The following PUDP variants were observed in gnomAD, a reference collection of about 807,000 sequenced individuals.
The protein encoded by PUDP is pseudouridine 5'-phosphatase, also known as pseudouridine-5'-phosphatase.
PUDP carries 8 observed loss-of-function variants against 9.4 expected under a neutral mutation model. That is an observed-to-expected ratio of 0.85 (90% CI 0.50 to 1.53). The LOEUF is 1.53. PUDP is among the 40% of genes most tolerant of loss of function. The pLI, the probability that PUDP is intolerant of heterozygous loss-of-function variation, is 0.00. For synonymous variants in PUDP, 99 were observed against 80.7 expected (o/e 1.23, Z -1.22); for missense variants, 188 against 189.7 (o/e 0.99, Z 0.05).
chrX:6,894,753 G>A (rs1215689845), intron 3 of PUDP, among the ~76,000 whole-genome samples: 1 of 111,485 alleles, frequency 9.0e-6, no homozygotes, highest in Admixed American at 9.6e-5. Flanking sequence ...GGTTCCATCT[G>A]TTACAGAGGC....
At chrX:6,825,141 G>A (rs184106847) in intron 3 of PUDP, among the ~76,000 whole-genome samples, 3 of 111,722 alleles carry the variant, frequency 2.7e-5, no homozygotes, top group Admixed American at 9.5e-5. Context: ...ACAAGAGCAC[G>A]CAGAGGGACT....
intron 2 of PUDP, among the ~76,000 whole-genome samples, chrX:7,103,610 C>T (rs1009307145): frequency 1.8e-5 from 2 of 111,799 alleles, no homozygotes; most frequent in African/African-American, 6.5e-5. Flanking sequence ...AACAACTAAG[C>T]GAAAAGGGAG....
At chrX:6,730,437 T>C (rs762107422) in intron 3 of PUDP, among the ~76,000 whole-genome samples, 3 of 112,093 alleles carry the variant, frequency 2.7e-5, no homozygotes, top group African/African-American at 9.7e-5. Flanking sequence ...ATCACAAAAC[T>C]GGGAATCACT....
intron 3 of PUDP, among the ~76,000 whole-genome samples, chrX:6,740,319 A>T (rs1924920355): frequency 8.9e-6 from 1 of 112,087 alleles, no homozygotes; most frequent in Non-Finnish European, 1.9e-5. Flanking sequence ...TTGGGAAAAT[A>T]ATTGATCAAA....
chrX:7,122,497 T>C (rs1351011050), intron 1 of PUDP, among the ~76,000 whole-genome samples: 1 of 111,618 alleles, frequency 9.0e-6, no homozygotes, highest in Non-Finnish European at 1.9e-5. Context: ...TCTCAGACCC[T>C]GTAGATGCTG....
chrX:6,808,793 G>T (rs747558075), intron 3 of PUDP, among the ~76,000 whole-genome samples: 2 of 112,278 alleles, frequency 1.8e-5, no homozygotes, highest in South Asian at 7.5e-4. Flanking sequence ...TAAATAGTGA[G>T]CCCACAGCAT....
chrX:6,751,149 GGAAAGAAAGAAAAAA>G (rs372267932), intron 3 of PUDP, among the ~76,000 whole-genome samples: 11 of 102,389 alleles, frequency 1.1e-4, no homozygotes, highest in Middle Eastern at 4.9e-3. Context: ...CTAAAAAAAA[GGAAAGAAAGAAAAAA>G]GAAAGAAAGA....
intron 1 of PUDP, among the ~76,000 whole-genome samples, chrX:6,993,729 ATATGTTCAAATT>A (rs1323396807): frequency 8.9e-6 from 1 of 112,209 alleles, no homozygotes; most frequent in Admixed American, 9.4e-5. Context: ...TTAAAAATAA[ATATGTTCAAATT>A]TATGTTGCTG....
At chrX:6,754,559 C>G (rs1925147616) in intron 3 of PUDP, among the ~76,000 whole-genome samples, 1 of 108,887 alleles carries the variant, frequency 9.2e-6, no homozygotes, top group African/African-American at 3.3e-5. Context: ...ATATATACCA[C>G]ATATAAAATC....
chrX:6,730,395 C>T (rs767158303), intron 3 of PUDP, among the ~76,000 whole-genome samples: 1 of 112,476 alleles, frequency 8.9e-6, no homozygotes, highest in South Asian at 3.7e-4. Context: ...CATGGATTTT[C>T]ACACAAGATG....
chrX:6,816,915 G>GTATATATAA (rs1486326144), intron 3 of PUDP, among the ~76,000 whole-genome samples: 1 of 87,730 alleles, frequency 1.1e-5, no homozygotes, highest in Non-Finnish European at 2.1e-5. Flanking sequence ...ATACTATATA[G>GTATATATAA]TATATATAAT....
At chrX:6,852,551 A>C (rs1457643567) in intron 3 of PUDP, among the ~76,000 whole-genome samples, 1 of 112,406 alleles carries the variant, frequency 8.9e-6, no homozygotes, top group Non-Finnish European at 1.9e-5. Flanking sequence ...TAAAACAGCC[A>C]ACTTCACTAA....
At chrX:6,751,445 T>C (rs767298880) in intron 3 of PUDP, among the ~76,000 whole-genome samples, 89 of 111,718 alleles carry the variant, frequency 8.0e-4, no homozygotes, top group Non-Finnish European at 9.4e-4. Context: ...GTTCTCACAA[T>C]TGCCTCTTCC....
rs192755291 is a variant in PUDP at position 6,995,129 on chromosome X, A to G, written c.205-16786T>C. ...CTTTCTTTTTTTTTTAAAGCTCAAA[A>G]TAATAAAGAAGTCATTTATTTACAT... On this transcript the variant is annotated intron_variant and NMD_transcript_variant, in intron 1 of 3. Coordinates refer to the PUDP transcript ENST00000655425. 2.3e-3 allele frequency among the ~76,000 whole-genome samples: 257 copies of G among 111,336 alleles called. 2 individuals are homozygous for G. Among genetic ancestry groups the G allele is most frequent in the African/African-American group, 8.0e-3 (246 of 30,628 alleles).
At chrX:6,781,235 T>C (rs150569665) in intron 3 of PUDP, among the ~76,000 whole-genome samples, 4 of 111,398 alleles carry the variant, frequency 3.6e-5, no homozygotes, top group African/African-American at 1.3e-4. Flanking sequence ...GACTTGGTGG[T>C]AAAAGATATT....
intron 1 of PUDP, among the ~76,000 whole-genome samples, chrX:7,041,250 T>C (rs1349158193): frequency 1.8e-5 from 2 of 111,441 alleles, no homozygotes; most frequent in African/African-American, 6.5e-5. Context: ...AATGCTGAAG[T>C]CATAGGAGCT....
At chrX:6,844,901 G>A (rs1178218348) in intron 3 of PUDP, among the ~76,000 whole-genome samples, 2 of 112,179 alleles carry the variant, frequency 1.8e-5, no homozygotes, top group African/African-American at 3.2e-5. Flanking sequence ...GCCTGAGAAC[G>A]AGAAGCTGGG....
chrX:6,836,306 C>T (rs1926581653), intron 3 of PUDP, among the ~76,000 whole-genome samples: 2 of 111,741 alleles, frequency 1.8e-5, no homozygotes, highest in Admixed American at 1.9e-4. Context: ...AAACCTCAGT[C>T]ACTTAAAATA....
intron 3 of PUDP, among the ~76,000 whole-genome samples, chrX:6,950,907 A>G (rs1371825021): frequency 9.1e-6 from 1 of 109,495 alleles, no homozygotes; most frequent in African/African-American, 3.3e-5. Context: ...AGTAAGAGAG[A>G]ACTCCTTCTG....
Sources: allele counts gnomAD v4.1 joint callset (sites outside exome capture counted in the v4.1 genomes callset), GRCh38; gene constraint gnomAD v4.1.1; transcripts MANE v1.5; gene names NCBI Gene and HGNC (gene_info 2026-07-23, HGNC 2026-07-21).